INPP4B: variants seen among roughly 807,000 people sequenced by gnomAD.
INPP4B encodes the protein inositol polyphosphate 4-phosphatase type II.
A neutral mutation model predicts 122.5 loss-of-function variants in INPP4B; 55 were observed. The ratio of observed to expected loss-of-function variants is 0.45; its 90% CI spans 0.36 to 0.56. The LOEUF (loss-of-function observed/expected upper bound fraction) is 0.56, where lower values mean the gene tolerates loss of function less well. Among genes scored for constraint, INPP4B ranks in the 20% least tolerant of loss-of-function variants. INPP4B has a pLI of 0.00. For synonymous variants in INPP4B, 403 were observed against 388.7 expected, an observed-to-expected ratio of 1.04 and a Z score of -0.43; for missense variants, 1,000 against 1,097.7, an observed-to-expected ratio of 0.91 and a Z score of 1.26.
chr4:142,589,078 C>T (rs1736864310), intron 2 of INPP4B, among the ~76,000 whole-genome samples: 1 of 151,878 alleles, frequency 6.6e-6, no homozygotes, highest in Admixed American at 6.6e-5. Context: ...TCCAAAGAAA[C>T]AGACAATTCA....
At position 142,193,082 on chromosome 4, in the gene INPP4B, C is replaced by T; in HGVS notation, c.1181+5G>A. 1.3e-6 allele frequency: 2 copies of T among 1,553,114 alleles called. No homozygotes were observed. The highest frequency in any genetic ancestry group is 1.8e-6 in the Non-Finnish European group (2 of 1,124,646). On this transcript the variant is annotated splice_donor_5th_base_variant and intron_variant, in intron 15 of 25. Transcript: ENST00000262992. The stretch of plus-strand genomic sequence containing the variant: ...AATCTGTGCTTTCCTCCTGTCTTTA[C>T]TTACTTTCTTCTTTCTGTTTCAAAT...
At chr4:142,395,998 A>C (rs1799240971) in intron 7 of INPP4B, among the ~76,000 whole-genome samples, 1 of 152,154 alleles carries the variant, frequency 6.6e-6, no homozygotes, top group South Asian at 2.1e-4. Context: ...CCCTATAGTT[A>C]AAAATACTGT....
At chr4:142,293,369 C>T (rs1300309047) in intron 9 of INPP4B, among the ~76,000 whole-genome samples, 1 of 151,934 alleles carries the variant, frequency 6.6e-6, no homozygotes, top group Non-Finnish European at 1.5e-5. Context: ...GCGGATCAAC[C>T]ACAAAACTAT....
At chr4:142,539,613 T>C (rs1828700564) in intron 2 of INPP4B, among the ~76,000 whole-genome samples, 1 of 152,088 alleles carries the variant, frequency 6.6e-6, no homozygotes, top group Non-Finnish European at 1.5e-5. Context: ...GTTCAAAGTT[T>C]CTTCTGTGGT....
At chr4:142,587,944 A>T (rs1460378653) in intron 2 of INPP4B, among the ~76,000 whole-genome samples, 1 of 152,130 alleles carries the variant, frequency 6.6e-6, no homozygotes, top group Non-Finnish European at 1.5e-5. Context: ...CAACAAAAAT[A>T]TATAGAATAT....
intron 2 of INPP4B, among the ~76,000 whole-genome samples, chr4:142,693,998 AAAAT>A (rs890887403): frequency 2.6e-5 from 4 of 152,176 alleles, no homozygotes; most frequent in African/African-American, 9.7e-5. Context: ...TCTTACTACT[AAAAT>A]AAATAAAAGG....
chr4:142,619,613 A>C (rs1484574001), intron 2 of INPP4B, among the ~76,000 whole-genome samples: 2 of 152,120 alleles, frequency 1.3e-5, no homozygotes, highest in East Asian at 1.9e-4. Context: ...TAAGAGGGAA[A>C]GGGAAATAGG....
At chr4:142,247,657 T>TGTGCC (rs1729597633) in intron 11 of INPP4B, among the ~76,000 whole-genome samples, 1 of 152,150 alleles carries the variant, frequency 6.6e-6, no homozygotes, top group Admixed American at 6.5e-5. Context: ...TCATTTTTAT[T>TGTGCC]GTGCCTATTT....
At chr4:142,676,594 TACAA>T (rs1390322342) in intron 2 of INPP4B, among the ~76,000 whole-genome samples, 1 of 152,096 alleles carries the variant, frequency 6.6e-6, no homozygotes, top group African/African-American at 2.4e-5. Context: ...CAAACTATAC[TACAA>T]GGCTATAGTA....
intron 25 of INPP4B, among the ~76,000 whole-genome samples, chr4:142,078,787 T>A (rs1041335055): frequency 6.6e-6 from 1 of 151,842 alleles, no homozygotes; most frequent in Non-Finnish European, 1.5e-5. Context: ...TTCCCTTGAG[T>A]TTTTATGATG....
At chr4:142,835,858 C>T (rs1203832209) in intron 1 of INPP4B, among the ~76,000 whole-genome samples, 1 of 152,116 alleles carries the variant, frequency 6.6e-6, no homozygotes, top group East Asian at 1.9e-4. Context: ...TGCAAAGAAA[C>T]ATTTTCAAGC....
Position 142,619,209 on chromosome 4 carries a change from C to G in INPP4B, c.-191+106630G>C, listed in dbSNP as rs142958966. On this transcript the variant is annotated intron_variant, in intron 2 of 25. Transcript: ENST00000262992. The stretch of plus-strand genomic sequence containing the variant: ...AAAAAAAAAATTAAAAATAGAAATA[C>G]TATATAATCCAGTAATCCTGATACT... Among the ~76,000 whole-genome samples, 367 of 152,002 alleles carry G rather than the reference C, an allele frequency of 2.4e-3. 2 individuals carry two copies. The highest frequency in any genetic ancestry group is 8.5e-3 in the African/African-American group (352 of 41,506).
At chr4:142,388,033 C>T (rs900203573) in intron 7 of INPP4B, among the ~76,000 whole-genome samples, 2 of 152,232 alleles carry the variant, frequency 1.3e-5, no homozygotes, top group African/African-American at 4.8e-5. Flanking sequence ...TGCTGATTCT[C>T]TTCCCCTTCC....
In INPP4B at chr4:142,462,357, T is replaced by C. The variant is rs534032832; in HGVS notation, c.-127+306A>G. Among the ~76,000 whole-genome samples, 3 of 152,326 alleles carry C rather than the reference T, an allele frequency of 2.0e-5. No individual in the cohort carries two copies. The South Asian group carries it at 6.2e-4, about 32-fold the overall frequency. On this transcript the variant is annotated intron_variant, in intron 3 of 25. Transcript: ENST00000262992. ...CAATTCTATAAAATCGCCTTACAGA[T>C]GAGTGTTTCCCAAATAAAGCATATG...
At chr4:142,335,639 A>ATT (rs1776322170) in intron 7 of INPP4B, among the ~76,000 whole-genome samples, 1 of 152,236 alleles carries the variant, frequency 6.6e-6, no homozygotes, top group Non-Finnish European at 1.5e-5. Flanking sequence ...AAACAGTGAC[A>ATT]CTAAGCACCC....
intron 7 of INPP4B, among the ~76,000 whole-genome samples, chr4:142,373,884 G>T (rs2148741249): frequency 6.6e-6 from 1 of 151,884 alleles, no homozygotes; most frequent in Non-Finnish European, 1.5e-5. Flanking sequence ...TATAGTACTG[G>T]AATATAAATA....
chr4:142,699,845 A>G (rs1019045304), intron 2 of INPP4B, among the ~76,000 whole-genome samples: 7 of 152,094 alleles, frequency 4.6e-5, no homozygotes, highest in Admixed American at 3.3e-4. Context: ...AGTCAACTCT[A>G]TATGCATTTG....
intron 2 of INPP4B, among the ~76,000 whole-genome samples, chr4:142,706,808 CT>C (rs1422270318): frequency 1.4e-4 from 22 of 152,242 alleles, no homozygotes; most frequent in African/African-American, 5.1e-4. Flanking sequence ...GAATACAGGC[CT>C]TGTCTAAAGA....
intron 2 of INPP4B, among the ~76,000 whole-genome samples, chr4:142,677,605 A>G (rs1346190291): frequency 1.3e-5 from 2 of 152,168 alleles, no homozygotes; most frequent in Admixed American, 6.6e-5. Context: ...ATGCCCATCA[A>G]TGATAGTCTA....
Sources: gnomAD v4.1 joint callset for allele counts (sites outside exome capture counted in the v4.1 genomes callset) on GRCh38, gnomAD v4.1.1 for gene constraint, MANE v1.5 for transcripts, NCBI Gene and HGNC (gene_info 2026-07-23, HGNC 2026-07-21) for gene names.